Variants in PALMD observed in about 807,000 individuals in gnomAD.
PALMD encodes the protein palmdelphin.
A neutral mutation model predicts 56.2 loss-of-function variants in PALMD; 42 were observed. That is an observed-to-expected ratio of 0.75 (90% CI 0.58 to 0.97). The LOEUF (loss-of-function observed/expected upper bound fraction) is 0.97. Among genes scored for constraint, PALMD ranks in the 50% least tolerant of loss-of-function variants. The probability of loss-of-function intolerance (pLI) is 0.00; values close to 1 mark genes in which losing one functional copy is unlikely to be tolerated. For synonymous variants in PALMD, 242 were observed against 222.9 expected (o/e 1.09, Z -0.76); for missense variants, 660 against 643.8 (o/e 1.03, Z -0.27).
At chr1:99,649,583 A>G (rs1282167178) in intron 1 of PALMD, among the ~76,000 whole-genome samples, 1 of 152,172 alleles carries the variant, frequency 6.6e-6, no homozygotes, top group East Asian at 1.9e-4. Flanking sequence ...AGAACAACGA[A>G]AAGGCCCAGG....
In PALMD at chr1:99,688,882, A is replaced by G; in HGVS notation, c.622A>G (p.Lys208Glu). Residue 208 changes from lysine to glutamate, a missense_variant, in exon 7 of 8, where the codon AAA becomes GAA. Lys to Glu is a moderately conservative substitution (Grantham distance 56). Coordinates refer to ENST00000263174, the MANE Select transcript of PALMD (RefSeq NM_017734.5). The part of the protein sequence containing the change: ...PSDDFKGTGI[K>E]VYDDGQKSVY... ...AGATGACTTTAAAGGTACAGGAATA[A>G]AAGTTTATGATGATGGGCAAAAGTC... 6.2e-7 allele frequency: 1 copy of G among 1,613,730 alleles called. No individual in the cohort carries two copies. Among genetic ancestry groups the G allele is most frequent in the Non-Finnish European group, 8.5e-7 (1 of 1,179,686 alleles).
At position 99,694,087 on chromosome 1, in the gene PALMD, C is replaced by G. The variant is rs2100880076; in HGVS notation, c.*25C>G. On this transcript the variant is annotated 3_prime_UTR_variant, in exon 8 of 8. Coordinates refer to ENST00000263174, the MANE Select transcript of PALMD (RefSeq NM_017734.5). ...AGAGTTGTACCACCTATATAAACATCCTTTGAAGAAGAAACTAAGAAGCAT... is the reference window on the plus strand; with the variant it reads ...AGAGTTGTACCACCTATATAAACATGCTTTGAAGAAGAAACTAAGAAGCAT... 2 of 1,501,074 alleles carry G rather than the reference C, an allele frequency of 1.3e-6. No homozygotes were observed. The highest frequency in any genetic ancestry group is 1.8e-6 in the Non-Finnish European group (2 of 1,092,392). 93.0% of individuals were successfully genotyped at this position (1,501,074 alleles called of 1,614,324 possible).
At chr1:99,654,362 TA>T (rs2100854660) in intron 1 of PALMD, among the ~76,000 whole-genome samples, 1 of 152,254 alleles carries the variant, frequency 6.6e-6, no homozygotes, top group Non-Finnish European at 1.5e-5. Context: ...TGTTAAAATT[TA>T]AAAATAATAC....
intron 2 of PALMD, among the ~76,000 whole-genome samples, chr1:99,666,259 A>G (rs1652957883): frequency 1.3e-5 from 2 of 152,078 alleles, no homozygotes; most frequent in South Asian, 4.1e-4. Flanking sequence ...TTTTTAAGAA[A>G]AAAAGATTTA....
At chr1:99,669,374 T>A (rs1653036234) in intron 3 of PALMD, 1 of 152,170 alleles carries the variant, frequency 6.6e-6, no homozygotes, top group Admixed American at 6.5e-5. Flanking sequence ...ACCCAATAAA[T>A]CAACTCTATA....
chr1:99,656,866 G>C (rs1048998024), intron 1 of PALMD, among the ~76,000 whole-genome samples: 1 of 152,154 alleles, frequency 6.6e-6, no homozygotes, highest in Non-Finnish European at 1.5e-5. Context: ...TGGACCGTAG[G>C]ATCACTAGAT....
intron 3 of PALMD, 23 bp downstream of exon 3, chr1:99,667,789 C>G (rs2100862336): frequency 6.2e-7 from 1 of 1,602,292 alleles, no homozygotes; most frequent in Non-Finnish European, 8.5e-7. Context: ...CTGAGATACT[C>G]CACAACTACC....
chr1:99,655,004 T>C (rs1192666033), intron 1 of PALMD, among the ~76,000 whole-genome samples: 1 of 152,152 alleles, frequency 6.6e-6, no homozygotes, highest in East Asian at 1.9e-4. Flanking sequence ...ATATATCTAA[T>C]TGGTAAATGA....
At chr1:99,662,214 CA>C in intron 1 of PALMD, 104 bp from the exon 2 acceptor site, 5 of 668,806 alleles carry the variant, frequency 7.5e-6, no homozygotes, top group Admixed American at 3.0e-5. Context: ...ACACCAATGC[CA>C]AAAAAATATC....
chr1:99,667,519 C>A (rs1290113822), intron 2 of PALMD, 123 bp from the exon 3 acceptor site: 1 of 812,914 alleles, frequency 1.2e-6, no homozygotes. Context: ...AGGCAAGGCA[C>A]TGACAGAAAA....
chr1:99,670,176 GTAAAT>G (rs925815265), intron 3 of PALMD, among the ~76,000 whole-genome samples: 3 of 152,046 alleles, frequency 2.0e-5, no homozygotes, highest in Non-Finnish European at 4.4e-5. Flanking sequence ...ATTCTCTTTG[GTAAAT>G]TACTGATTCC....
intron 1 of PALMD, among the ~76,000 whole-genome samples, chr1:99,651,524 A>G (rs1327987145): frequency 6.6e-6 from 1 of 152,244 alleles, no homozygotes; most frequent in Non-Finnish European, 1.5e-5. Flanking sequence ...CAAATGCAAC[A>G]CAGTTCAATT....
intron 1 of PALMD, among the ~76,000 whole-genome samples, chr1:99,653,966 CTGA>C (rs1306149538): frequency 1.3e-5 from 2 of 152,056 alleles, no homozygotes; most frequent in African/African-American, 4.8e-5. Context: ...GATCAGAACT[CTGA>C]TGAGTATAGA....
chr1:99,690,339 G>A (rs1273769021), intron 7 of PALMD, among the ~76,000 whole-genome samples: 1 of 152,032 alleles, frequency 6.6e-6, no homozygotes, highest in African/African-American at 2.4e-5. Flanking sequence ...TTACCTTGCT[G>A]TATCTTGTTT....
chr1:99,669,078 G>C (rs531476311), intron 3 of PALMD: 2 of 152,290 alleles, frequency 1.3e-5, no homozygotes, highest in Admixed American at 6.5e-5. Context: ...ACCGCATTTT[G>C]TCCATACTCA....
intron 1 of PALMD, among the ~76,000 whole-genome samples, chr1:99,659,934 T>C (rs1652810250): frequency 6.6e-6 from 1 of 152,196 alleles, no homozygotes; most frequent in Non-Finnish European, 1.5e-5. Context: ...TCGGATGGCA[T>C]GCCTCTACTC....
chr1:99,665,451 A>G (rs1334357645), intron 2 of PALMD, among the ~76,000 whole-genome samples: 1 of 152,194 alleles, frequency 6.6e-6, no homozygotes, highest in Non-Finnish European at 1.5e-5. Flanking sequence ...TCCAAATTGC[A>G]TATTTTATAT....
intron 7 of PALMD, 59 bp downstream of exon 7, chr1:99,689,931 G>C: frequency 6.7e-7 from 1 of 1,488,278 alleles, no homozygotes; most frequent in South Asian, 1.3e-5. Context: ...CTTCTCTTGT[G>C]CTAATGCAGT....
intron 1 of PALMD, among the ~76,000 whole-genome samples, chr1:99,653,519 T>C (rs1652643757): frequency 6.6e-6 from 1 of 152,066 alleles, no homozygotes; most frequent in Admixed American, 6.5e-5. Flanking sequence ...TTTAGAAAAT[T>C]TGTGCTTTTT....
Sources: allele counts gnomAD v4.1 joint callset (sites outside exome capture counted in the v4.1 genomes callset), GRCh38; gene constraint gnomAD v4.1.1; transcripts MANE v1.5; gene names NCBI Gene and HGNC (gene_info 2026-07-23, HGNC 2026-07-21).